The following ATP10B variants were observed in gnomAD, a reference collection of about 807,000 sequenced individuals.
The protein encoded by ATP10B is phospholipid-transporting ATPase VB.
In ATP10B, 122 loss-of-function variants were observed where a neutral mutation model predicts 141.2. The observed-to-expected ratio is 0.86, with a 90% CI of 0.75 to 1.00. ATP10B has a LOEUF of 1.00. ATP10B is among the 50% of genes least tolerant of loss of function. The pLI, the probability that ATP10B is intolerant of heterozygous loss-of-function variation, is 0.00. For synonymous variants in ATP10B, 685 were observed against 692.0 expected, an observed-to-expected ratio of 0.99 and a Z score of 0.16; for missense variants, 1,876 against 1,825.3, an observed-to-expected ratio of 1.03 and a Z score of -0.51.
chr5:160,853,625 G>A (rs1303440975), upstream of ATP10B, among the ~76,000 whole-genome samples: 2 of 152,072 alleles, frequency 1.3e-5, no homozygotes, highest in Non-Finnish European at 2.9e-5. Flanking sequence ...CATCCCTTGG[G>A]TTTTCATGCT....
In ATP10B at chr5:160,755,006, G is replaced by A. The variant is rs146385275; in HGVS notation, c.-331+30553C>T. On this transcript the variant is annotated intron_variant, in intron 2 of 25. Transcript: ENST00000327245. ...TGCTGTAATAGTCCATTTTCACACT[G>A]CTATATCTGTATTAGTCTGTTTTCA... Among the ~76,000 whole-genome samples the A allele has an allele frequency of 3.6e-3, 541 of 152,260 alleles. 2 individuals carry two copies. The highest frequency in any genetic ancestry group is 0.02 in the South Asian group (95 of 4,822).
At chr5:160,807,814 G>A (rs1219065841) in intron 1 of ATP10B, among the ~76,000 whole-genome samples, 2 of 152,158 alleles carry the variant, frequency 1.3e-5, no homozygotes, top group Admixed American at 6.5e-5. Context: ...CGATAGCAGA[G>A]AAATCTCTTT....
intron 13 of ATP10B, among the ~76,000 whole-genome samples, chr5:160,626,769 A>G (rs143890193): frequency 6.6e-6 from 1 of 152,326 alleles, no homozygotes; most frequent in Non-Finnish European, 1.5e-5. Flanking sequence ...TCTGTGTTAC[A>G]TGACAACCCT....
rs1429225955 is a variant in ATP10B at position 160,565,117 on chromosome 5, T to C, written c.*336A>G. ...ATACACTTCTTGAATCTTGGAAACT[T>C]ACGGCACTGGGTTGTAGGCTACGCT... On this transcript the variant is annotated 3_prime_UTR_variant, in exon 26 of 26. Coordinates refer to ENST00000327245, the MANE Select transcript of ATP10B (RefSeq NM_025153.3). 1 of 253,920 alleles carries C rather than the reference T, an allele frequency of 3.9e-6. No homozygotes were observed. The highest frequency in any genetic ancestry group is 7.5e-6 in the Non-Finnish European group (1 of 133,184). 15.7% of individuals were successfully genotyped at this position (253,920 alleles called of 1,614,324 possible).
At chr5:160,887,414 C>T in the ATP10B span, among the ~76,000 whole-genome samples, 1 of 152,220 alleles carries the variant, frequency 6.6e-6, no homozygotes, top group Middle Eastern at 3.4e-3. Context: ...TATTTTATAT[C>T]CATGGTTGCT....
intron 6 of ATP10B, among the ~76,000 whole-genome samples, chr5:160,671,601 A>G (rs1421797920): frequency 1.3e-5 from 2 of 152,198 alleles, no homozygotes; most frequent in Admixed American, 1.3e-4. Flanking sequence ...AGAGGGCCGA[A>G]GAAATCTGAG....
At position 160,788,036 on chromosome 5, in the gene ATP10B, A is replaced by G. The variant is rs528906131; in HGVS notation, c.-575-2233T>C. 2.2e-4 allele frequency among the ~76,000 whole-genome samples: 33 copies of G among 152,262 alleles called. 1 individual carries two copies. The South Asian group carries it at 6.8e-3, about 32-fold the overall frequency. ...GCCCCTGTCCTCATCTACTTCCTAG[A>G]GGTCATACATTCACCTTCACCACCT... is the stretch of plus-strand genomic sequence containing the variant. On this transcript the variant is annotated intron_variant, in intron 1 of 25. Coordinates refer to ENST00000327245, the MANE Select transcript of ATP10B (RefSeq NM_025153.3).
intron 16 of ATP10B, among the ~76,000 whole-genome samples, chr5:160,617,265 CA>C (rs1758076129): frequency 6.6e-6 from 1 of 152,206 alleles, no homozygotes; most frequent in South Asian, 2.1e-4. Context: ...GCAGAAGTTG[CA>C]AAGTCAAAGA....
chr5:160,577,246 T>C (rs1755249689), intron 24 of ATP10B, among the ~76,000 whole-genome samples: 1 of 152,160 alleles, frequency 6.6e-6, no homozygotes, highest in South Asian at 2.1e-4. Context: ...ATCTTTCTGC[T>C]CTGGGATCTC....
chr5:160,755,829 AAAAAAAAAAATATATATATATAT>A (rs1349501025), intron 2 of ATP10B, among the ~76,000 whole-genome samples: 1 of 72,976 alleles, frequency 1.4e-5, no homozygotes, highest in African/African-American at 5.5e-5. Context: ...AAAAAAAAAA[AAAAAAAAAAATATATATATATAT>A]ATATATATAT....
chr5:160,783,420 A>T (rs1770875168), intron 2 of ATP10B, among the ~76,000 whole-genome samples: 1 of 119,324 alleles, frequency 8.4e-6, no homozygotes, highest in African/African-American at 3.1e-5. Flanking sequence ...ATCCATGGAT[A>T]TATCCATGGA....
chr5:160,801,288 T>G (rs376678562), intron 1 of ATP10B, among the ~76,000 whole-genome samples: 1 of 152,220 alleles, frequency 6.6e-6, no homozygotes, highest in Non-Finnish European at 1.5e-5. Flanking sequence ...CTCTGTCTTA[T>G]TGATCCTGCA....
the ATP10B span, among the ~76,000 whole-genome samples, chr5:160,915,456 T>A: frequency 6.6e-6 from 1 of 151,984 alleles, no homozygotes; most frequent in Admixed American, 6.5e-5. Context: ...CTCAGCCTCC[T>A]GAGTAGCTGG....
chr5:160,591,249 C>G lies in ATP10B; in HGVS notation c.3565-110G>C, dbSNP rs144890536. 51 of 780,880 alleles carry G rather than the reference C, an allele frequency of 6.5e-5. No homozygotes were observed. In the African/African-American group the frequency reaches 8.5e-4, roughly 13 times the overall value. The allele number at this position is 780,880 out of a possible 1,614,324, so 48.4% of individuals were successfully genotyped here. A position where few individuals can be genotyped will look rare whatever the true frequency, so the allele number is the denominator to read the frequency against. On this transcript the variant is annotated intron_variant, in intron 22 of 25. Transcript: ENST00000327245. ...ACAGACAACCAGACGCATACAATGC[C>G]TCTTGTATTTGTGGTAGTAGAATGG...
intron 1 of ATP10B, among the ~76,000 whole-genome samples, chr5:160,849,921 C>T (rs913206698): frequency 6.6e-6 from 1 of 152,082 alleles, no homozygotes; most frequent in African/African-American, 2.4e-5. Context: ...ATTTAATCAG[C>T]AGAAAAGCTA....
intron 7 of ATP10B, among the ~76,000 whole-genome samples, chr5:160,654,704 G>GTCATCGTCATCGTCATCGTCA (rs1554101049): frequency 3.3e-5 from 5 of 151,934 alleles, no homozygotes; most frequent in African/African-American, 1.2e-4. Context: ...TGTCGTCATC[G>GTCATCGTCATCGTCATCGTCA]TCATCATCAT....
chr5:160,784,285 T>TA (rs201962260), intron 2 of ATP10B, among the ~76,000 whole-genome samples: 2,152 of 152,292 alleles, frequency 0.014, 113 homozygotes, highest in Admixed American at 0.1. Flanking sequence ...TGAATGGTGG[T>TA]AAGCAATGCT....
chr5:160,599,626 C>T lies in ATP10B; in HGVS notation c.3364-656G>A, dbSNP rs139362618. ...ACCATGAGCAGGACACCTGGTAGGA[C>T]GGTGACCTCGTGAGAAGGTTGACTT... On this transcript the variant is annotated intron_variant, in intron 21 of 25. Coordinates refer to ENST00000327245, the MANE Select transcript of ATP10B (RefSeq NM_025153.3). Among the ~76,000 whole-genome samples, 21 of 152,292 alleles carry T rather than the reference C, an allele frequency of 1.4e-4. No individual in the cohort carries two copies. In the East Asian group the frequency reaches 2.5e-3, roughly 18 times the overall value.
Position 160,818,477 on chromosome 5 carries a change from G to A in ATP10B, c.-575-32674C>T, listed in dbSNP as rs184265895. 8.7e-4 allele frequency among the ~76,000 whole-genome samples: 132 copies of A among 152,160 alleles called. 2 individuals carry two copies. The highest frequency in any genetic ancestry group is 1.0e-3 in the South Asian group (5 of 4,820). On this transcript the variant is annotated intron_variant, in intron 1 of 25. Transcript: ENST00000327245. Reference sequence around the variant, plus strand: ...ACCATCTCACACCAGTTAGAATGGCGATCATTAAAAGTCAGGAAACAACAG... The same window carrying A: ...ACCATCTCACACCAGTTAGAATGGCAATCATTAAAAGTCAGGAAACAACAG...
Sources: allele counts gnomAD v4.1 joint callset (sites outside exome capture counted in the v4.1 genomes callset), GRCh38; gene constraint gnomAD v4.1.1; transcripts MANE v1.5; gene names NCBI Gene and HGNC (gene_info 2026-07-23, HGNC 2026-07-21).